The following UHRF1 variants were observed in gnomAD, a reference collection of about 807,000 sequenced individuals.
The protein encoded by UHRF1 is E3 ubiquitin-protein ligase UHRF1.
UHRF1 carries 9 observed loss-of-function variants against 96.5 expected under a neutral mutation model. The observed-to-expected ratio is 0.09, with a 90% confidence interval of 0.06 to 0.16. The LOEUF (loss-of-function observed/expected upper bound fraction) is 0.16. Among genes scored for constraint, UHRF1 ranks in the 10% least tolerant of loss-of-function variants. The probability of loss-of-function intolerance (pLI) is 1.00; values close to 1 mark genes in which losing one functional copy is unlikely to be tolerated. For synonymous variants in UHRF1, 455 were observed against 469.9 expected, an observed-to-expected ratio of 0.97 and a Z score of 0.41; for missense variants, 626 against 1,131.1, an observed-to-expected ratio of 0.55 and a Z score of 6.40.
At chr19:4,923,656 G>A (rs190392177) in intron 2 of UHRF1, among the ~76,000 whole-genome samples, 4 of 152,216 alleles carry the variant, frequency 2.6e-5, no homozygotes, top group Admixed American at 6.5e-5. Flanking sequence ...TGTGAGGGCC[G>A]CTCTAGCTTG....
intron 2 of UHRF1, among the ~76,000 whole-genome samples, chr19:4,915,229 T>G (rs1031104368): frequency 2.6e-5 from 4 of 152,166 alleles, no homozygotes; most frequent in Admixed American, 1.3e-4. Flanking sequence ...AGACCTGCCC[T>G]TCTGTCTGCG....
intron 5 of UHRF1, among the ~76,000 whole-genome samples, chr19:4,941,085 GTTTTTTTTTTT>G (rs869250736): frequency 4.0e-5 from 2 of 50,082 alleles, no homozygotes; most frequent in Non-Finnish European, 6.8e-5. Context: ...TCTGTGTTTT[GTTTTTTTTTTT>G]TTTTTTTTTT....
At position 4,941,940 on chromosome 19, in the gene UHRF1, G is replaced by A. The variant is rs553819013; in HGVS notation, c.1073+9G>A. ...CCCAGCGAGGACGAGTGGTGAGTGC[G>A]GCCCTGCCCGCCGCGGGGAGACCAG... On this transcript the variant is annotated intron_variant, in intron 7 of 16. Transcript: ENST00000650932. 3 of 1,488,466 alleles carry A rather than the reference G, an allele frequency of 2.0e-6. No individual in the cohort carries two copies. Among genetic ancestry groups the A allele is most frequent in the Admixed American group, 2.5e-5 (1 of 40,154 alleles). 92.2% of individuals were successfully genotyped at this position (1,488,466 alleles called of 1,614,324 possible).
Position 4,945,943 on chromosome 19 carries a change from C to CG in UHRF1, c.1394dup (p.Tyr466LeufsTer2), listed in dbSNP as rs1167678868. On this transcript the variant is annotated frameshift_variant, in exon 10 of 17. Coordinates refer to ENST00000650932, the MANE Select transcript of UHRF1 (RefSeq NM_001048201.3). LOFTEE classifies it high-confidence loss of function. Reference sequence around the variant, plus strand: ...GACGGAGCGTACTCCCTAGTCCTGGCGGGGGGCTATGAGGATGATGTGGTG... The same window carrying CG: ...GACGGAGCGTACTCCCTAGTCCTGGCGGGGGGGCTATGAGGATGATGTGGTG... 1.4e-6 allele frequency: 2 copies of CG among 1,401,126 alleles called. No homozygotes were observed. The highest frequency in any genetic ancestry group is 1.9e-6 in the Non-Finnish European group (2 of 1,045,940). The allele number at this position is 1,401,126 out of a possible 1,614,324, so 86.8% of individuals were successfully genotyped here. A position where few individuals can be genotyped will look rare whatever the true frequency, so the allele number is the denominator to read the frequency against.
chr19:4,950,561 G>T lies in UHRF1; in HGVS notation c.1518-50G>T, dbSNP rs752264987. 93 of 1,562,974 alleles carry T rather than the reference G, an allele frequency of 6.0e-5. No individual in the cohort carries two copies. In the East Asian group the frequency reaches 1.4e-3, roughly 23 times the overall value. On this transcript the variant is annotated intron_variant, in intron 11 of 16. Coordinates refer to ENST00000650932, the MANE Select transcript of UHRF1 (RefSeq NM_001048201.3). ...TCCCGGCTCCTGTGTTTCCTTTTTTGGGGGGTACATCCTCACCTATAATGC... is the reference window on the plus strand; with the variant it reads ...TCCCGGCTCCTGTGTTTCCTTTTTTTGGGGGTACATCCTCACCTATAATGC...
chr19:4,913,342 C>G lies in UHRF1; in HGVS notation c.153+2304C>G, dbSNP rs543211526. On this transcript the variant is annotated intron_variant, in intron 2 of 16. Transcript: ENST00000650932. ...GATCTGGGCTCACTGCAACCTTCATCTCCCAAGTTCAAGCGATCCTCCTGC... is the reference window on the plus strand; with the variant it reads ...GATCTGGGCTCACTGCAACCTTCATGTCCCAAGTTCAAGCGATCCTCCTGC... 3.4e-5 allele frequency among the ~76,000 whole-genome samples: 5 copies of G among 147,142 alleles called. No homozygotes were observed. In the South Asian group the frequency reaches 8.6e-4, roughly 25 times the overall value.
At chr19:4,949,503 C>T (rs2033661114) in intron 11 of UHRF1, among the ~76,000 whole-genome samples, 1 of 151,788 alleles carries the variant, frequency 6.6e-6, no homozygotes, top group Admixed American at 6.6e-5. Context: ...CACACACACA[C>T]ACTCTCACAA....
upstream of UHRF1, among the ~76,000 whole-genome samples, chr19:4,905,139 CAG>C (rs1294243869): frequency 9.2e-6 from 1 of 108,268 alleles, no homozygotes; most frequent in Non-Finnish European, 1.7e-5. Context: ...TTTTTTGAGA[CAG>C]AGTCTTGCTC....
chr19:4,940,614 C>T lies in UHRF1; in HGVS notation c.786-914C>T, dbSNP rs956714385. 2.0e-5 allele frequency among the ~76,000 whole-genome samples: 3 copies of T among 151,730 alleles called. No individual in the cohort carries two copies. The East Asian group carries it at 5.8e-4, about 29-fold the overall frequency. ...AGTCCTGACCCTCGTGATCCACCCA[C>T]CTTGGCCTCCCAAAGTGCTGGAATT... On this transcript the variant is annotated intron_variant, in intron 5 of 16. Transcript: ENST00000650932.
At chr19:4,959,344 AAAAC>A (rs2033934091) in intron 16 of UHRF1, among the ~76,000 whole-genome samples, 3 of 152,208 alleles carry the variant, frequency 2.0e-5, no homozygotes, top group Non-Finnish European at 4.4e-5. Context: ...AAAAACAACA[AAAAC>A]AAAAGCCACA....
chr19:4,946,139 T>C (rs2033557868), intron 10 of UHRF1, among the ~76,000 whole-genome samples, 174 bp downstream of exon 10: 2 of 152,120 alleles, frequency 1.3e-5, no homozygotes, highest in African/African-American at 4.8e-5. Flanking sequence ...CAGAACTTTC[T>C]CATCTTCCCA....
At chr19:4,904,902 T>C (rs183429752), upstream of UHRF1, among the ~76,000 whole-genome samples, 6 of 152,138 alleles carry the variant, frequency 3.9e-5, no homozygotes, top group Admixed American at 2.0e-4. Context: ...GGGAGGGACA[T>C]TGAATCATAG....
intron 5 of UHRF1, among the ~76,000 whole-genome samples, chr19:4,938,730 GTTTTTTTTTTTTT>G (rs71170880): frequency 0.11 from 7,013 of 61,622 alleles, 376 homozygotes; most frequent in East Asian, 0.23. Context: ...TTTTGGTCAG[GTTTTTTTTTTTTT>G]TTTTTTTTTT....
chr19:4,952,895 G>C (rs1167758747), intron 13 of UHRF1, among the ~76,000 whole-genome samples: 1 of 152,042 alleles, frequency 6.6e-6, no homozygotes, highest in African/African-American at 2.4e-5. Flanking sequence ...GTTCGTAAGT[G>C]AAGTTTCTGG....
At chr19:4,922,902 C>T (rs927607261) in intron 2 of UHRF1, among the ~76,000 whole-genome samples, 2 of 152,208 alleles carry the variant, frequency 1.3e-5, no homozygotes, top group Non-Finnish European at 2.9e-5. Context: ...CTTCTATCCA[C>T]CTCACCTTTC....
intron 5 of UHRF1, among the ~76,000 whole-genome samples, chr19:4,935,296 T>G (rs2033182673): frequency 2.0e-5 from 3 of 152,182 alleles, no homozygotes; most frequent in African/African-American, 7.2e-5. Flanking sequence ...GCAGTTCCCC[T>G]GCACACACTC....
In UHRF1 at chr19:4,947,230, C is replaced by A; in HGVS notation, c.1517+19C>A. 6.2e-7 allele frequency: 1 copy of A among 1,606,948 alleles called. No individual in the cohort carries two copies. Among genetic ancestry groups the A allele is most frequent in the African/African-American group, 1.3e-5 (1 of 74,888 alleles). On this transcript the variant is annotated intron_variant, in intron 11 of 16. Transcript: ENST00000650932. ...CCAACAGGTTTGTGGAATCAGCCTT[C>A]TTATTTCCTTGCTGATGCATATCTG...
intron 2 of UHRF1, among the ~76,000 whole-genome samples, chr19:4,911,869 G>A (rs1306857072): frequency 5.3e-5 from 8 of 152,122 alleles, no homozygotes; most frequent in Non-Finnish European, 7.4e-5. Context: ...CCGTGGGGAC[G>A]GGCGTAGACT....
intron 11 of UHRF1, 92 bp from the exon 12 acceptor site, chr19:4,950,519 C>T (rs984060775): frequency 7.2e-7 from 1 of 1,396,850 alleles, no homozygotes; most frequent in Non-Finnish European, 9.7e-7. Flanking sequence ...GCTGGGATTA[C>T]AGGCCTGAGC....
Sources: gnomAD v4.1 joint callset for allele counts (sites outside exome capture counted in the v4.1 genomes callset) on GRCh38, gnomAD v4.1.1 for gene constraint, MANE v1.5 for transcripts, NCBI Gene and HGNC (gene_info 2026-07-23, HGNC 2026-07-21) for gene names.